The following WWTR1 variants were observed in gnomAD, a reference collection of about 807,000 sequenced individuals.
WWTR1 encodes WW domain containing transcription regulator 1.
In WWTR1, 13 loss-of-function variants were observed where a neutral mutation model predicts 40.1. That is an observed-to-expected ratio of 0.32 (90% confidence interval 0.21 to 0.52). The LOEUF (loss-of-function observed/expected upper bound fraction) is 0.52. Among genes scored for constraint, WWTR1 ranks in the 20% least tolerant of loss-of-function variants. The probability of loss-of-function intolerance (pLI) is 0.97; values close to 1 mark genes in which losing one functional copy is unlikely to be tolerated. For missense variants in WWTR1, 436 were observed against 523.1 expected, an observed-to-expected ratio of 0.83 and a Z score of 1.63; for synonymous variants, 230 against 210.1, an observed-to-expected ratio of 1.09 and a Z score of -0.82.
At chr3:149,610,883 C>A (rs568446803) in intron 2 of WWTR1, among the ~76,000 whole-genome samples, 1 of 152,110 alleles carries the variant, frequency 6.6e-6, no homozygotes, top group African/African-American at 2.4e-5. Flanking sequence ...TGGCTCACAC[C>A]TGTAATCCCA....
intron 4 of WWTR1, among the ~76,000 whole-genome samples, chr3:149,718,616 C>G (rs975991978): frequency 6.6e-6 from 1 of 152,146 alleles, no homozygotes; most frequent in African/African-American, 2.4e-5. Flanking sequence ...AACTCTATGC[C>G]CGTTAAACAA....
chr3:149,567,277 T>G (rs1737378567), intron 3 of WWTR1, among the ~76,000 whole-genome samples: 1 of 152,296 alleles, frequency 6.6e-6, no homozygotes, highest in East Asian at 1.9e-4. Flanking sequence ...AGTTGTTGCA[T>G]GTTTTCAGTA....
rs867585526 is a variant in WWTR1, at chr3:149,710,578, C to G, written n.584+6864G>C. 4.7e-5 allele frequency among the ~76,000 whole-genome samples: 4 copies of G among 84,814 alleles called. No individual in the cohort carries two copies. In the South Asian group the frequency reaches 2.1e-3, roughly 45 times the overall value. The allele number at this position is 84,814 out of a possible 152,430, so 55.6% of individuals were successfully genotyped here. On this transcript the variant is annotated intron_variant and non_coding_transcript_variant, in intron 5 of 6. Transcript: ENST00000474080. ...TTATCATTATCCCCGCCTCCCCCCC[C>G]CCCCTTTTTTTTTTTTTTTGAGATT...
chr3:149,539,017 T>G (rs1735959873), intron 4 of WWTR1, among the ~76,000 whole-genome samples: 1 of 152,236 alleles, frequency 6.6e-6, no homozygotes, highest in Admixed American at 6.5e-5. Context: ...GAAGGCTCAC[T>G]TTAGATTTGT....
intron 3 of WWTR1, among the ~76,000 whole-genome samples, chr3:149,559,780 G>A (rs1373843155): frequency 6.6e-6 from 1 of 152,164 alleles, no homozygotes; most frequent in African/African-American, 2.4e-5. Flanking sequence ...CAGAATCCCA[G>A]CTGCAATCTG....
Position 149,572,922 on chromosome 3 carries a change from A to C in WWTR1, c.510T>G (p.Pro170=). ...NQPLNHMNLH[P]AVSSTPVPQR... ...GAGGCACTGGTGTGGAACTGACGGC[A>C]GGGTGGAGGTTCATATGATTCAGAG... Residue 170 remains proline, a synonymous_variant, in exon 3 of 7, where the codon CCT becomes CCG. Coordinates refer to ENST00000360632, the MANE Select transcript of WWTR1 (RefSeq NM_015472.6). 6.2e-7 allele frequency: 1 copy of C among 1,613,920 alleles called. No individual in the cohort carries two copies. Among genetic ancestry groups the C allele is most frequent in the South Asian group, 1.1e-5 (1 of 91,032 alleles).
rs973250080 is a variant in WWTR1, at chr3:149,656,971, G to A, written c.336C>T (p.His112=). Residue 112 remains histidine (H), a synonymous_variant, in exon 2 of 7, where the codon CAC becomes CAT. Transcript: ENST00000360632. ...AAGSPAQQHA[H]LRQQSYDVTD... is the part of the protein sequence containing the mutation. ...TCACGTCGTAGGACTGCTGGCGGAG[G>A]TGCGCGTGCTGCTGCGCGGGGCTAC... 6.3e-7 allele frequency: 1 copy of A among 1,598,534 alleles called. No individual in the cohort carries two copies. The highest frequency in any genetic ancestry group is 1.7e-5 in the Admixed American group (1 of 58,766).
At chr3:149,695,006 C>T (rs1314382916) in intron 1 of WWTR1, among the ~76,000 whole-genome samples, 2 of 152,090 alleles carry the variant, frequency 1.3e-5, no homozygotes, top group African/African-American at 4.8e-5. Flanking sequence ...CTGTCATTTG[C>T]AACACAGATG....
chr3:149,627,129 G>A (rs1304999302), intron 2 of WWTR1, among the ~76,000 whole-genome samples: 3 of 152,076 alleles, frequency 2.0e-5, no homozygotes, highest in Non-Finnish European at 4.4e-5. Context: ...GTACAAATAC[G>A]TCCCATGCAA....
At chr3:149,601,888 C>A (rs1368878633) in intron 2 of WWTR1, among the ~76,000 whole-genome samples, 1 of 152,040 alleles carries the variant, frequency 6.6e-6, no homozygotes, top group African/African-American at 2.4e-5. Context: ...GGAGTGGCTG[C>A]CTCAGAACGG....
At chr3:149,676,175 A>G (rs1714251233) in intron 1 of WWTR1, among the ~76,000 whole-genome samples, 1 of 152,174 alleles carries the variant, frequency 6.6e-6, no homozygotes. Flanking sequence ...GAAAAAGGAG[A>G]GAGATGTCCT....
intron 1 of WWTR1, among the ~76,000 whole-genome samples, chr3:149,690,819 T>C (rs1415812460): frequency 6.6e-6 from 1 of 152,216 alleles, no homozygotes; most frequent in African/African-American, 2.4e-5. Context: ...ATTAACATTC[T>C]TCTCCTCAAG....
chr3:149,520,969 G>C lies in WWTR1; in HGVS notation c.1039C>G (p.Pro347Ala), dbSNP rs1345328662. Residue 347 changes from proline to alanine, a missense_variant, in exon 7 of 7, where the codon CCC (proline) becomes GCC (alanine). Pro to Ala is a conservative substitution (Grantham distance 27). Coordinates refer to ENST00000360632, the MANE Select transcript of WWTR1 (RefSeq NM_015472.6). ...GTCTGTTGGGGATTGATGTTCATGG[G>C]TGTTTGTCCTGCGTTTTCTCCTATA... ...MDTGENAGQT[P>A]MNINPQQTRF... 1.2e-6 allele frequency: 2 copies of C among 1,603,346 alleles called. No homozygotes were observed. The highest frequency in any genetic ancestry group is 4.5e-5 in the East Asian group (2 of 44,712).
intron 4 of WWTR1, among the ~76,000 whole-genome samples, chr3:149,533,032 C>T (rs16861946): frequency 0.011 from 1,693 of 152,290 alleles, 36 homozygotes; most frequent in African/African-American, 0.038. Flanking sequence ...TCCCTCTAGT[C>T]GAGGCAGGAA....
At chr3:149,678,064 C>T (rs1185028097) in intron 1 of WWTR1, among the ~76,000 whole-genome samples, 1 of 152,124 alleles carries the variant, frequency 6.6e-6, no homozygotes, top group Non-Finnish European at 1.5e-5. Flanking sequence ...GGCCACCACA[C>T]CCAGCCAGTT....
At chr3:149,596,338 T>C (rs1207890547) in intron 2 of WWTR1, among the ~76,000 whole-genome samples, 1 of 152,176 alleles carries the variant, frequency 6.6e-6, no homozygotes, top group Non-Finnish European at 1.5e-5. Context: ...GGAATTCATT[T>C]TTCTTCTGAA....
rs772295688 is a variant in WWTR1 at position 149,581,285 on chromosome 3, C to T, written c.432-8285G>A. On this transcript the variant is annotated intron_variant, in intron 2 of 6. Transcript: ENST00000360632. ...ATACAAAGAGGTAAAAGTCAAGCTGCCAATGTGCACAGCTGACACATCTAT... is the reference window on the plus strand; with the variant it reads ...ATACAAAGAGGTAAAAGTCAAGCTGTCAATGTGCACAGCTGACACATCTAT... 4.5e-4 allele frequency among the ~76,000 whole-genome samples: 68 copies of T among 151,926 alleles called. 1 individual carries two copies. The highest frequency in any genetic ancestry group is 1.2e-4 in the Non-Finnish European group (8 of 68,012).
chr3:149,661,733 GTT>G (rs369645645), upstream of WWTR1, among the ~76,000 whole-genome samples: 6 of 133,854 alleles, frequency 4.5e-5, no homozygotes, highest in Admixed American at 2.3e-4. Flanking sequence ...CACAAATAAA[GTT>G]TTTTTTTTTT....
chr3:149,520,981 C>A lies in WWTR1; in HGVS notation c.1027G>T (p.Ala343Ser). ...NVDEMDTGEN[A>S]GQTPMNINPQ... is the part of the protein sequence containing the mutation. Reference sequence around the variant, plus strand: ...TTGATGTTCATGGGTGTTTGTCCTGCGTTTTCTCCTATAACAAAATGAAAA... The same window carrying A: ...TTGATGTTCATGGGTGTTTGTCCTGAGTTTTCTCCTATAACAAAATGAAAA... Residue 343 changes from alanine to serine, a missense_variant, in exon 7 of 7, where the codon GCA (alanine) becomes TCA (serine). Transcript: ENST00000360632. 1 of 1,592,278 alleles carries A rather than the reference C, an allele frequency of 6.3e-7. No homozygotes were observed. The highest frequency in any genetic ancestry group is 1.2e-5 in the South Asian group (1 of 86,716).
Sources: gnomAD v4.1 joint callset for allele counts (sites outside exome capture counted in the v4.1 genomes callset) on GRCh38, gnomAD v4.1.1 for gene constraint, MANE v1.5 for transcripts, NCBI Gene and HGNC (gene_info 2026-07-23, HGNC 2026-07-21) for gene names.